The following ESRRG variants were observed in gnomAD, a reference collection of about 807,000 sequenced individuals.
ESRRG encodes the protein estrogen-related receptor gamma.
ESRRG carries 13 observed loss-of-function variants against 44.0 expected under a neutral mutation model. The ratio of observed to expected loss-of-function variants is 0.30; its 90% CI spans 0.19 to 0.47. The LOEUF (loss-of-function observed/expected upper bound fraction) is 0.47. ESRRG is among the 20% of genes least tolerant of loss of function. ESRRG has a pLI of 1.00. For missense variants in ESRRG, 395 were observed against 580.6 expected, an observed-to-expected ratio of 0.68 and a Z score of 3.29; for synonymous variants, 215 against 214.6, an observed-to-expected ratio of 1.00 and a Z score of -0.02.
rs58598227 is a variant in ESRRG at position 216,774,798 on chromosome 1, C to CTTTTTT, written c.-13-97313_-13-97308dup. On this transcript the variant is annotated intron_variant, in intron 2 of 7. Coordinates refer to the ESRRG transcript ENST00000359162. ...ACAGTAAGACAGTGAATAATTTCTT[C>CTTTTTT]TTTTTTTTTTTTTAAGACAGAATCT... is the stretch of plus-strand genomic sequence containing the variant. Among the ~76,000 whole-genome samples the CTTTTTT allele has an allele frequency of 2.0e-4, 22 of 110,814 alleles. 2 individuals carry two copies. The highest frequency in any genetic ancestry group is 7.6e-4 in the Admixed American group (7 of 9,266). 72.7% of individuals were successfully genotyped at this position (110,814 alleles called of 152,430 possible).
intron 1 of ESRRG, among the ~76,000 whole-genome samples, chr1:216,999,994 G>T (rs1403454937): frequency 6.6e-6 from 1 of 152,152 alleles, no homozygotes; most frequent in Non-Finnish European, 1.5e-5. Flanking sequence ...TCAAGCTATT[G>T]TTAATTAATA....
At chr1:217,060,665 T>C (rs1580245422) in intron 1 of ESRRG, among the ~76,000 whole-genome samples, 1 of 152,078 alleles carries the variant, frequency 6.6e-6, no homozygotes, top group Non-Finnish European at 1.5e-5. Context: ...GCATATAAAA[T>C]GAAGTTTATC....
chr1:216,519,322 T>C lies in ESRRG; in HGVS notation c.962A>G (p.Glu321Gly). ...ATCGTCTGCATAGACAAGTTCATCC[T>C]CAAACGAAAGAGACCGGTATACGAC... ...LGVVYRSLSF[E>G]DELVYADDYI... is the part of the protein sequence containing the mutation. Residue 321 changes from glutamate (E) to glycine (G), a missense_variant, in exon 6 of 7, where the codon GAG (glutamate) becomes GGG (glycine). Coordinates refer to ENST00000408911, the MANE Select transcript of ESRRG (RefSeq NM_001438.4). 1 of 1,613,842 alleles carries C rather than the reference T, an allele frequency of 6.2e-7. No individual in the cohort carries two copies. Among genetic ancestry groups the C allele is most frequent in the Non-Finnish European group, 8.5e-7 (1 of 1,179,852 alleles).
At chr1:216,772,363 C>T (rs2093419303) in intron 2 of ESRRG, among the ~76,000 whole-genome samples, 1 of 152,064 alleles carries the variant, frequency 6.6e-6, no homozygotes, top group Non-Finnish European at 1.5e-5. Flanking sequence ...TCTAACATCC[C>T]AGAATTCAGC....
intron 5 of ESRRG, among the ~76,000 whole-genome samples, chr1:216,528,354 T>TTGATG (rs2048309181): frequency 6.6e-6 from 1 of 152,188 alleles, no homozygotes; most frequent in Non-Finnish European, 1.5e-5. Flanking sequence ...AGAAGTAAAG[T>TTGATG]TGATGTTTCA....
At chr1:216,563,233 A>G (rs1420668424) in intron 5 of ESRRG, among the ~76,000 whole-genome samples, 1 of 152,186 alleles carries the variant, frequency 6.6e-6, no homozygotes, top group Non-Finnish European at 1.5e-5. Flanking sequence ...CCATTCAGAA[A>G]TGTCAGCTGT....
intron 1 of ESRRG, among the ~76,000 whole-genome samples, chr1:216,969,609 G>C (rs1004493664): frequency 6.6e-6 from 1 of 151,992 alleles, no homozygotes; most frequent in Admixed American, 6.6e-5. Flanking sequence ...TTTTGAGACG[G>C]AGTTTCGCTT....
At chr1:216,796,188 G>A (rs1438490396) in intron 2 of ESRRG, among the ~76,000 whole-genome samples, 1 of 152,188 alleles carries the variant, frequency 6.6e-6, no homozygotes, top group Non-Finnish European at 1.5e-5. Flanking sequence ...GCAGTGGGGT[G>A]AGGAAGAAGC....
chr1:216,631,472 T>C (rs1357240925), intron 3 of ESRRG, among the ~76,000 whole-genome samples: 4 of 152,208 alleles, frequency 2.6e-5, no homozygotes, highest in African/African-American at 4.8e-5. Context: ...AGAAGTACTA[T>C]TGTCAAGGGA....
At chr1:216,886,490 C>T (rs2096519928) in intron 2 of ESRRG, among the ~76,000 whole-genome samples, 1 of 152,104 alleles carries the variant, frequency 6.6e-6, no homozygotes, top group South Asian at 2.1e-4. Flanking sequence ...TAGAAGCCAT[C>T]TTTGGGTTTG....
intron 2 of ESRRG, among the ~76,000 whole-genome samples, chr1:216,787,669 T>C (rs546283217): frequency 6.7e-6 from 1 of 149,950 alleles, no homozygotes; most frequent in South Asian, 2.1e-4. Context: ...AAGAATTGCA[T>C]GTCTTTCACT....
At chr1:216,626,710 A>T (rs1004524948) in intron 3 of ESRRG, among the ~76,000 whole-genome samples, 1 of 152,136 alleles carries the variant, frequency 6.6e-6, no homozygotes, top group East Asian at 1.9e-4. Context: ...AGGCAGGACT[A>T]ATATTTTATT....
chr1:216,987,653 A>C (rs1469319847), intron 1 of ESRRG, among the ~76,000 whole-genome samples: 1 of 152,182 alleles, frequency 6.6e-6, no homozygotes, highest in Non-Finnish European at 1.5e-5. Flanking sequence ...GCTTAAGTCC[A>C]GGACAGGCAC....
intron 2 of ESRRG, among the ~76,000 whole-genome samples, chr1:216,875,643 T>G (rs950879151): frequency 6.6e-6 from 1 of 151,970 alleles, no homozygotes; most frequent in African/African-American, 2.4e-5. Context: ...ATTATATTTA[T>G]TTATATTCAT....
chr1:216,882,113 A>T (rs1251422114), intron 2 of ESRRG, among the ~76,000 whole-genome samples: 1 of 152,162 alleles, frequency 6.6e-6, no homozygotes, highest in Non-Finnish European at 1.5e-5. Context: ...GCAGGTGGGC[A>T]TTATAATTAT....
intron 1 of ESRRG, among the ~76,000 whole-genome samples, chr1:217,108,347 G>A (rs2092622344): frequency 2.6e-5 from 4 of 152,020 alleles, no homozygotes; most frequent in Admixed American, 2.0e-4. Flanking sequence ...CTCTCCGATG[G>A]TATTTGCCAC....
chr1:216,554,513 G>A (rs577104719), intron 5 of ESRRG, among the ~76,000 whole-genome samples: 26 of 151,762 alleles, frequency 1.7e-4, no homozygotes, highest in African/African-American at 6.0e-4. Flanking sequence ...GCTTATGCTT[G>A]TAATCTCAGC....
intron 2 of ESRRG, among the ~76,000 whole-genome samples, chr1:216,670,059 T>C (rs377478689): frequency 6.6e-6 from 1 of 152,064 alleles, no homozygotes; most frequent in Non-Finnish European, 1.5e-5. Flanking sequence ...CATATTAGAG[T>C]TTTAAAGCTA....
At chr1:216,990,983 C>G (rs142253024) in intron 1 of ESRRG, among the ~76,000 whole-genome samples, 3 of 152,140 alleles carry the variant, frequency 2.0e-5, no homozygotes, top group Non-Finnish European at 2.9e-5. Flanking sequence ...TGTTAGGAAA[C>G]TGGTTGCATA....
Sources: allele counts gnomAD v4.1 joint callset (sites outside exome capture counted in the v4.1 genomes callset), GRCh38; gene constraint gnomAD v4.1.1; transcripts MANE v1.5; gene names NCBI Gene and HGNC (gene_info 2026-07-23, HGNC 2026-07-21).